Variants in NEDD4 observed in about 807,000 individuals in gnomAD.
NEDD4 encodes the protein NEDD4 E3 ubiquitin protein ligase.
A neutral mutation model predicts 144.9 loss-of-function variants in NEDD4; 99 were observed. That is an observed-to-expected ratio of 0.68 (90% CI 0.58 to 0.81). The LOEUF (loss-of-function observed/expected upper bound fraction) is 0.81, where lower values mean the gene tolerates loss of function less well. Among genes scored for constraint, NEDD4 ranks in the 30% least tolerant of loss-of-function variants. NEDD4 has a pLI of 0.00. For missense variants in NEDD4, 985 were observed against 1,065.9 expected, an observed-to-expected ratio of 0.92 and a Z score of 1.06; for synonymous variants, 318 against 350.6, an observed-to-expected ratio of 0.91 and a Z score of 1.04.
intron 5 of NEDD4, among the ~76,000 whole-genome samples, chr15:55,882,778 G>C (rs2035241504): frequency 6.6e-6 from 1 of 152,154 alleles, no homozygotes; most frequent in Admixed American, 6.5e-5. Context: ...CCTTCCTTTT[G>C]CTTAAGAAGA....
At chr15:55,962,082 C>CA (rs1393318507) in intron 2 of NEDD4, among the ~76,000 whole-genome samples, 1 of 152,142 alleles carries the variant, frequency 6.6e-6, no homozygotes, top group Non-Finnish European at 1.5e-5. Context: ...AGCAGGCACA[C>CA]ACACATTTAT....
chr15:55,977,911 T>C (rs1303289921), intron 1 of NEDD4, among the ~76,000 whole-genome samples: 3 of 152,164 alleles, frequency 2.0e-5, no homozygotes, highest in Non-Finnish European at 2.9e-5. Context: ...ATTCTGCCAA[T>C]TAAAAATCTC....
At chr15:55,884,003 C>G (rs1321367899) in intron 5 of NEDD4, among the ~76,000 whole-genome samples, 1 of 152,010 alleles carries the variant, frequency 6.6e-6, no homozygotes, top group African/African-American at 2.4e-5. Flanking sequence ...CCTCAGCCTC[C>G]CAAGTAGCTG....
chr15:55,832,549 G>C (rs2033004729), intron 27 of NEDD4, among the ~76,000 whole-genome samples: 1 of 152,082 alleles, frequency 6.6e-6, no homozygotes, highest in Non-Finnish European at 1.5e-5. Context: ...CAAGTAGCTG[G>C]GACTACAGGT....
chr15:55,923,807 T>G (rs2036614313), intron 5 of NEDD4, among the ~76,000 whole-genome samples: 1 of 151,566 alleles, frequency 6.6e-6, no homozygotes, highest in African/African-American at 2.4e-5. Context: ...AAAACATGAA[T>G]GTAGTTTAAC....
intron 1 of NEDD4, among the ~76,000 whole-genome samples, chr15:55,975,970 A>T (rs2037692288): frequency 6.6e-6 from 1 of 152,214 alleles, no homozygotes; most frequent in Non-Finnish European, 1.5e-5. Context: ...CCCAGAAGTA[A>T]ATCTATACAT....
In NEDD4 at chr15:55,935,470, G is replaced by A. The variant is rs188356977; in HGVS notation, c.238-10771C>T. 2.6e-4 allele frequency among the ~76,000 whole-genome samples: 39 copies of A among 152,156 alleles called. 1 individual carries two copies. Among genetic ancestry groups the A allele is most frequent in the Admixed American group, 1.9e-3 (29 of 15,268 alleles). On this transcript the variant is annotated intron_variant, in intron 4 of 28. Coordinates refer to ENST00000435532, the MANE Select transcript of NEDD4 (RefSeq NM_006154.4). ...CATTTTCCTCACCAACAATGGGGTA[G>A]GAAATATGCACATTACACAATTCTG...
At chr15:55,913,376 G>A (rs887481625) in intron 5 of NEDD4, among the ~76,000 whole-genome samples, 2 of 151,816 alleles carry the variant, frequency 1.3e-5, no homozygotes, top group Non-Finnish European at 2.9e-5. Flanking sequence ...CATTATTGTT[G>A]CCACTGCTAT....
At chr15:55,989,429 T>G (rs908685992) in intron 1 of NEDD4, among the ~76,000 whole-genome samples, 2 of 152,176 alleles carry the variant, frequency 1.3e-5, no homozygotes, top group African/African-American at 4.8e-5. Flanking sequence ...TAACCTATGC[T>G]TCTCCTCCTT....
chr15:55,837,968 G>A, intron 23 of NEDD4, 119 bp from the exon 24 acceptor site: 1 of 911,508 alleles, frequency 1.1e-6, no homozygotes, highest in East Asian at 2.6e-5. Context: ...CTGAATATGA[G>A]TGCTTGCTAC....
chr15:55,921,000 T>A (rs942794759), intron 5 of NEDD4, among the ~76,000 whole-genome samples: 6 of 152,180 alleles, frequency 3.9e-5, no homozygotes, highest in African/African-American at 1.4e-4. Context: ...ACACAGTAGA[T>A]ATACTAAATG....
intron 5 of NEDD4, chr15:55,915,240 A>T (rs752178791): frequency 6.8e-7 from 1 of 1,479,938 alleles, no homozygotes; most frequent in Non-Finnish European, 9.0e-7. Context: ...TCATTAAGTT[A>T]TTCTCATATA....
intron 1 of NEDD4, among the ~76,000 whole-genome samples, chr15:55,986,581 T>C (rs1292308999): frequency 4.4e-5 from 1 of 22,914 alleles, no homozygotes; most frequent in South Asian, 4.9e-3. Flanking sequence ...CTGTCCTTGC[T>C]TTTTTTTTTT....
At chr15:55,959,730 C>A (rs568513547) in intron 2 of NEDD4, among the ~76,000 whole-genome samples, 11 of 152,270 alleles carry the variant, frequency 7.2e-5, no homozygotes, top group Middle Eastern at 3.4e-3. Context: ...TGGCAAGAAG[C>A]TGAGACGGCC....
rs1595861828 is a variant in NEDD4 at position 55,939,620 on chromosome 15, T to C, written c.237+11756A>G. 2.0e-5 allele frequency among the ~76,000 whole-genome samples: 3 copies of C among 152,170 alleles called. No individual in the cohort carries two copies. The South Asian group carries it at 6.2e-4, about 32-fold the overall frequency. ...TAAAAAGGTGCTCAAAAATCACTAA[T>C]CATCAGGGAAATGCAAATCAAAACC... On this transcript the variant is annotated intron_variant, in intron 4 of 28. Transcript: ENST00000435532.
rs763655302 is a variant in NEDD4 at position 55,837,841 on chromosome 15, A to G, written c.2210T>C (p.Ile737Thr). ...KNKKEYIYLVIQWRFVNRIQK... is the reference protein window; with the variant it reads ...KNKKEYIYLVTQWRFVNRIQK... ...GATTCGGTTTACAAATCGCCATTGT[A>G]TTACAAGACTAAAAAGAAACAACAT... Residue 737 changes from isoleucine to threonine, a missense_variant, in exon 24 of 29, where the codon ATA (isoleucine) becomes ACA (threonine). Physicochemically the swap from Ile to Thr is moderately conservative, Grantham distance 89. Transcript: ENST00000435532. 14 of 1,609,884 alleles carry G rather than the reference A, an allele frequency of 8.7e-6. No homozygotes were observed. Among genetic ancestry groups the G allele is most frequent in the Non-Finnish European group, 1.2e-5 (14 of 1,177,336 alleles).
intron 4 of NEDD4, among the ~76,000 whole-genome samples, chr15:55,937,772 T>C (rs2036921080): frequency 6.6e-6 from 1 of 152,162 alleles, no homozygotes; most frequent in Non-Finnish European, 1.5e-5. Flanking sequence ...AAATTCAATG[T>C]TACACTCACC....
At position 55,872,444 on chromosome 15, in the gene NEDD4, T is replaced by C; in HGVS notation, c.375A>G (p.Thr125=). 6.8e-7 allele frequency: 1 copy of C among 1,471,494 alleles called. No homozygotes were observed. Among genetic ancestry groups the C allele is most frequent in the Non-Finnish European group, 9.1e-7 (1 of 1,095,276 alleles). The allele number at this position is 1,471,494 out of a possible 1,614,324, so 91.2% of individuals were successfully genotyped here. Residue 125 remains threonine (T), a synonymous_variant, in exon 7 of 29, where the codon ACA becomes ACG. Coordinates refer to ENST00000435532, the MANE Select transcript of NEDD4 (RefSeq NM_006154.4). ...TENPRLERPY[T]FKDFVLHPRS... ...TTGGATGAAGAACAAAATCCTTAAA[T>C]GTATATGGTCTCTCCAATCTTGGAT...
At chr15:55,926,780 AC>A (rs1244013860) in intron 4 of NEDD4, among the ~76,000 whole-genome samples, 2 of 150,746 alleles carry the variant, frequency 1.3e-5, no homozygotes, top group Non-Finnish European at 3.0e-5. Context: ...CCTCCACCAC[AC>A]CCCCCAAAAA....
Sources: gnomAD v4.1 joint callset for allele counts (sites outside exome capture counted in the v4.1 genomes callset) on GRCh38, gnomAD v4.1.1 for gene constraint, MANE v1.5 for transcripts, NCBI Gene and HGNC (gene_info 2026-07-23, HGNC 2026-07-21) for gene names.